Variants in TRMT11 observed in about 807,000 individuals in gnomAD.
The protein encoded by TRMT11 is tRNA (guanine(10)-N(2))-methyltransferase TRMT11.
Under a neutral mutation model 62.8 loss-of-function variants are expected in TRMT11, and 53 were observed. The ratio of observed to expected loss-of-function variants is 0.84; its 90% CI spans 0.68 to 1.06. TRMT11 has a LOEUF of 1.06. TRMT11 is among the 50% of genes least tolerant of loss of function. TRMT11 has a pLI of 0.00. For missense variants in TRMT11, 556 were observed against 553.4 expected (o/e 1.00, Z -0.05); for synonymous variants, 188 against 190.3 (o/e 0.99, Z 0.10).
At chr6:126,163,831 A>AT (rs1425134345) in intron 21 of TRMT11, among the ~76,000 whole-genome samples, 3 of 152,148 alleles carry the variant, frequency 2.0e-5, no homozygotes, top group South Asian at 2.1e-4. Context: ...TCCCTTTATC[A>AT]TTTTTTATTC....
chr6:126,203,887 T>C (rs1007035115), downstream of TRMT11, among the ~76,000 whole-genome samples: 2 of 151,912 alleles, frequency 1.3e-5, no homozygotes, highest in African/African-American at 2.4e-5. Flanking sequence ...TCCAACACAA[T>C]GTAGTTATCT....
At chr6:126,194,867 C>A (rs1778646580) in intron 1 of TRMT11, among the ~76,000 whole-genome samples, 1 of 152,140 alleles carries the variant, frequency 6.6e-6, no homozygotes, top group Non-Finnish European at 1.5e-5. Context: ...TTAATCTCAG[C>A]CCTTTGGGAG....
Position 126,171,843 on chromosome 6 carries a change from C to T in TRMT11, c.*1824-2982C>T, listed in dbSNP as rs151083902. Among the ~76,000 whole-genome samples, 1,270 of 152,118 alleles carry T rather than the reference C, an allele frequency of 8.3e-3. 12 individuals carry two copies. Among genetic ancestry groups the T allele is most frequent in the African/African-American group, 0.028 (1,156 of 41,492 alleles). ...AAACGATTCTCCTGCCTCAGCCTCC[C>T]GAGTACCTAGGATTACGGGCAGCCT... On this transcript the variant is annotated intron_variant and NMD_transcript_variant, in intron 21 of 22. Coordinates refer to the TRMT11 transcript ENST00000648977.
At chr6:126,105,537 C>A (rs1777454614) in intron 17 of TRMT11, among the ~76,000 whole-genome samples, 1 of 151,762 alleles carries the variant, frequency 6.6e-6, no homozygotes, top group Admixed American at 6.6e-5. Flanking sequence ...ACAGCTCCCC[C>A]AGTTGTTCGG....
chr6:126,047,401 A>G (rs1776090775), intron 16 of TRMT11, among the ~76,000 whole-genome samples: 4 of 151,272 alleles, frequency 2.6e-5, no homozygotes, highest in Admixed American at 2.6e-4. Context: ...TGGAGAGGAG[A>G]TTGGTTGCAG....
In TRMT11 at chr6:126,084,981, T is replaced by C. The variant is rs1777198416; in HGVS notation, c.*1438-27885T>C. ...AAGGCACACACTTTTGCTTAAAAGG[T>C]AAATAAGTTCTGGAGACCTGAGGTA... On this transcript the variant is annotated intron_variant and NMD_transcript_variant, in intron 17 of 22. Transcript: ENST00000648977. Among the ~76,000 whole-genome samples the C allele has an allele frequency of 3.3e-5, 5 of 152,100 alleles. No individual in the cohort carries two copies. In the South Asian group the frequency reaches 8.3e-4, roughly 25 times the overall value.
At chr6:126,093,995 A>C (rs1777312179) in intron 17 of TRMT11, among the ~76,000 whole-genome samples, 2 of 152,048 alleles carry the variant, frequency 1.3e-5, no homozygotes, top group Non-Finnish European at 2.9e-5. Flanking sequence ...GCTTCATGGA[A>C]CCATGTCTTT....
chr6:126,026,680 C>T (rs867718215), intron 12 of TRMT11, among the ~76,000 whole-genome samples: 10 of 151,878 alleles, frequency 6.6e-5, no homozygotes, highest in African/African-American at 9.7e-5. Flanking sequence ...CCATCGCGCC[C>T]GGCTCTAAAA....
At chr6:126,026,997 G>A (rs1298086509) in intron 12 of TRMT11, among the ~76,000 whole-genome samples, 1 of 151,262 alleles carries the variant, frequency 6.6e-6, no homozygotes, top group South Asian at 2.1e-4. Flanking sequence ...TAGTAGAGAC[G>A]GGGTTTCACC....
At chr6:126,097,952 T>C (rs1442334457) in intron 17 of TRMT11, among the ~76,000 whole-genome samples, 2 of 152,164 alleles carry the variant, frequency 1.3e-5, no homozygotes, top group African/African-American at 4.8e-5. Context: ...AAGTGCTGGG[T>C]AGGATAATTT....
intron 11 of TRMT11, 127 bp from the exon 12 acceptor site, chr6:126,021,033 C>A: frequency 9.7e-7 from 1 of 1,033,896 alleles, no homozygotes. Context: ...ATCATGTGGA[C>A]AGTTAGCATA....
At chr6:126,127,970 T>G (rs1200407157) in intron 21 of TRMT11, among the ~76,000 whole-genome samples, 2 of 152,072 alleles carry the variant, frequency 1.3e-5, no homozygotes, top group African/African-American at 4.8e-5. Context: ...GACAGGAGAT[T>G]CCTGCACATT....
At chr6:126,172,461 A>G (rs1159269456), upstream of TRMT11, among the ~76,000 whole-genome samples, 1 of 152,202 alleles carries the variant, frequency 6.6e-6, no homozygotes, top group Non-Finnish European at 1.5e-5. Flanking sequence ...TACATCTGAA[A>G]AGAGTCCCCG....
chr6:126,208,861 GC>G, the TRMT11 span, among the ~76,000 whole-genome samples: 1 of 152,206 alleles, frequency 6.6e-6, no homozygotes, highest in Non-Finnish European at 1.5e-5. Flanking sequence ...GCTATTGAGT[GC>G]CCACATACGC....
chr6:126,240,302 C>T, the TRMT11 span, among the ~76,000 whole-genome samples: 1 of 152,112 alleles, frequency 6.6e-6, no homozygotes, highest in African/African-American at 2.4e-5. Context: ...TTAGAGTTTC[C>T]AGTTTTTCTG....
At position 125,986,580 on chromosome 6, in the gene TRMT11, T is replaced by C. The variant is rs373254195; in HGVS notation, c.30T>C (p.Tyr10=). Residue 10 remains tyrosine (Y), a synonymous_variant, in exon 1 of 13, where the codon TAT becomes TAC. Transcript: ENST00000334379. ...CGCTGTCGTGTACCCTTAACAGGTA[T>C]CTGCTCCTCATGGCGCAGGAGCATC... The part of the protein sequence containing the change: MALSCTLNR[Y]LLLMAQEHLE... 95 of 1,591,394 alleles carry C rather than the reference T, an allele frequency of 6.0e-5. No homozygotes were observed. Among genetic ancestry groups the C allele is most frequent in the Non-Finnish European group, 7.4e-5 (87 of 1,171,150 alleles).
intron 21 of TRMT11, among the ~76,000 whole-genome samples, chr6:126,139,140 A>G (rs907563542): frequency 1.3e-5 from 2 of 152,002 alleles, no homozygotes; most frequent in Admixed American, 1.3e-4. Context: ...AAGTTATCCA[A>G]ATAAATATAG....
At chr6:126,114,893 C>T (rs1221193430) in intron 19 of TRMT11, among the ~76,000 whole-genome samples, 4 of 152,058 alleles carry the variant, frequency 2.6e-5, no homozygotes, top group Non-Finnish European at 1.5e-5. Context: ...TAAATGGTAT[C>T]ACATTTACAG....
chr6:126,011,151 T>A (rs949897625), intron 8 of TRMT11, 102 bp from the exon 9 acceptor site: 14 of 976,530 alleles, frequency 1.4e-5, no homozygotes, highest in Non-Finnish European at 1.7e-5. Flanking sequence ...AAATTTTGAA[T>A]AAATGTAGGT....
Sources: allele counts gnomAD v4.1 joint callset (sites outside exome capture counted in the v4.1 genomes callset), GRCh38; gene constraint gnomAD v4.1.1; transcripts MANE v1.5; gene names NCBI Gene and HGNC (gene_info 2026-07-23, HGNC 2026-07-21).